The following HPSE2 variants were observed in gnomAD, a reference collection of about 807,000 sequenced individuals.
HPSE2 encodes the protein inactive heparanase-2.
Under a neutral mutation model 60.5 loss-of-function variants are expected in HPSE2, and 38 were observed. The ratio of observed to expected loss-of-function variants is 0.63; its 90% confidence interval spans 0.48 to 0.82. HPSE2 has a LOEUF of 0.82. HPSE2 is among the 40% of genes least tolerant of loss of function. The pLI, the probability that HPSE2 is intolerant of heterozygous loss-of-function variation, is 0.00. For synonymous variants in HPSE2, 295 were observed against 293.2 expected (o/e 1.01, Z -0.06); for missense variants, 713 against 740.4 (o/e 0.96, Z 0.43).
At chr10:99,170,315 T>G (rs1173078386) in intron 2 of HPSE2, among the ~76,000 whole-genome samples, 1 of 152,196 alleles carries the variant, frequency 6.6e-6, no homozygotes, top group Non-Finnish European at 1.5e-5. Context: ...TATGCAAATA[T>G]ATATGGATAC....
chr10:99,132,191 AAGAGAGAGAGAG>A (rs781059893), intron 3 of HPSE2, among the ~76,000 whole-genome samples: 5 of 71,868 alleles, frequency 7.0e-5, no homozygotes, highest in Admixed American at 3.6e-4. Flanking sequence ...GAAAGAAAGA[AAGAGAGAGAGAG>A]AGAGAGAGAG....
intron 3 of HPSE2, among the ~76,000 whole-genome samples, chr10:99,023,444 C>T (rs1957308545): frequency 6.6e-6 from 1 of 152,150 alleles, no homozygotes; most frequent in Admixed American, 6.6e-5. Context: ...AAGAAGAATA[C>T]AGGCCTGGCT....
At chr10:98,958,012 T>C (rs1364547133) in intron 3 of HPSE2, among the ~76,000 whole-genome samples, 3 of 152,162 alleles carry the variant, frequency 2.0e-5, no homozygotes, top group African/African-American at 7.2e-5. Context: ...GGAGAGGTTG[T>C]CTCTTCTTCC....
chr10:98,468,257 C>T (rs1307050729), intron 11 of HPSE2, among the ~76,000 whole-genome samples: 1 of 152,166 alleles, frequency 6.6e-6, no homozygotes, highest in African/African-American at 2.4e-5. Context: ...TGAGTGATGG[C>T]TACCACGCTG....
intron 3 of HPSE2, among the ~76,000 whole-genome samples, chr10:99,103,763 A>G (rs1233070179): frequency 6.6e-6 from 1 of 152,210 alleles, no homozygotes; most frequent in Non-Finnish European, 1.5e-5. Flanking sequence ...CCAAAACAGC[A>G]TGGTACCGGT....
intron 3 of HPSE2, among the ~76,000 whole-genome samples, chr10:99,004,781 T>C (rs1956855152): frequency 1.3e-5 from 2 of 152,178 alleles, no homozygotes; most frequent in Non-Finnish European, 2.9e-5. Context: ...TAGTGTGCTT[T>C]CCTTTCAACT....
At chr10:99,283,467 C>T in the HPSE2 span, among the ~76,000 whole-genome samples, 1 of 151,232 alleles carries the variant, frequency 6.6e-6, no homozygotes, top group Admixed American at 6.6e-5. Flanking sequence ...TACCACTGCA[C>T]TCCAGCCTGG....
At chr10:98,858,131 G>C (rs1284259335) in intron 3 of HPSE2, among the ~76,000 whole-genome samples, 1 of 152,124 alleles carries the variant, frequency 6.6e-6, no homozygotes, top group Non-Finnish European at 1.5e-5. Context: ...AGTTTAAGTA[G>C]CTTGCCCAAT....
chr10:99,310,665 C>T, the HPSE2 span, among the ~76,000 whole-genome samples: 3 of 152,156 alleles, frequency 2.0e-5, no homozygotes, highest in South Asian at 2.1e-4. Context: ...CCCGCTCTGT[C>T]GCTCAGGCTG....
At chr10:98,979,498 ACATCCTTTTC>A (rs1478507414) in intron 3 of HPSE2, among the ~76,000 whole-genome samples, 8 of 152,214 alleles carry the variant, frequency 5.3e-5, no homozygotes, top group African/African-American at 1.9e-4. Flanking sequence ...GGAAAAAATT[ACATCCTTTTC>A]AGCTAGTGCT....
chr10:99,165,146 C>T (rs1847026467), intron 2 of HPSE2, among the ~76,000 whole-genome samples: 1 of 146,048 alleles, frequency 6.8e-6, no homozygotes. Flanking sequence ...TAATTTCTTT[C>T]TCTGACAGTA....
chr10:98,612,943 G>A (rs774843144), intron 9 of HPSE2, among the ~76,000 whole-genome samples: 33 of 151,946 alleles, frequency 2.2e-4, no homozygotes, highest in Non-Finnish European at 4.4e-4. Flanking sequence ...ATCATGCCCC[G>A]GTCACCCTAG....
intron 9 of HPSE2, among the ~76,000 whole-genome samples, chr10:98,562,416 G>C (rs1944212653): frequency 6.6e-6 from 1 of 152,162 alleles, no homozygotes; most frequent in Non-Finnish European, 1.5e-5. Context: ...CAGGTCTTCT[G>C]ACTTAAAATC....
At chr10:98,982,622 T>G (rs1404815399) in intron 3 of HPSE2, among the ~76,000 whole-genome samples, 2 of 151,980 alleles carry the variant, frequency 1.3e-5, no homozygotes, top group East Asian at 3.9e-4. Context: ...CCAAGTGAAG[T>G]CCCAAATAAA....
chr10:99,106,638 TTAA>T (rs1844260842), intron 3 of HPSE2, among the ~76,000 whole-genome samples: 1 of 151,690 alleles, frequency 6.6e-6, no homozygotes, highest in African/African-American at 2.4e-5. Flanking sequence ...AATAATAATA[TTAA>T]TAATGGCTGC....
intron 3 of HPSE2, among the ~76,000 whole-genome samples, chr10:99,053,673 C>G (rs1249529264): frequency 6.8e-6 from 1 of 147,972 alleles, no homozygotes; most frequent in Non-Finnish European, 1.5e-5. Flanking sequence ...GAGCATCTAG[C>G]TCTTACTGGA....
At chr10:99,061,029 AG>A (rs1392321726) in intron 3 of HPSE2, among the ~76,000 whole-genome samples, 10 of 152,266 alleles carry the variant, frequency 6.6e-5, no homozygotes, top group Admixed American at 2.0e-4. Flanking sequence ...TTAAGCTCAC[AG>A]GGTTTAAAAT....
At chr10:98,618,655 C>A (rs1945987868) in intron 8 of HPSE2, among the ~76,000 whole-genome samples, 1 of 152,152 alleles carries the variant, frequency 6.6e-6, no homozygotes, top group Non-Finnish European at 1.5e-5. Context: ...CAGCTCACTG[C>A]AACCTCTGCT....
At chr10:98,598,184 G>T (rs1945300335) in intron 9 of HPSE2, among the ~76,000 whole-genome samples, 1 of 151,798 alleles carries the variant, frequency 6.6e-6, no homozygotes, top group Non-Finnish European at 1.5e-5. Context: ...TGCACATTTT[G>T]AAGAAGTAAG....
Sources: allele counts gnomAD v4.1 joint callset (sites outside exome capture counted in the v4.1 genomes callset), GRCh38; gene constraint gnomAD v4.1.1; transcripts MANE v1.5; gene names NCBI Gene and HGNC (gene_info 2026-07-23, HGNC 2026-07-21).